Variants in NPAS3 observed in about 807,000 individuals in gnomAD.
NPAS3 encodes neuronal PAS domain protein 3, also known as neuronal PAS domain-containing protein 3.
A neutral mutation model predicts 73.1 loss-of-function variants in NPAS3; 14 were observed. The ratio of observed to expected loss-of-function variants is 0.19; its 90% CI spans 0.13 to 0.30. NPAS3 has a LOEUF of 0.30. NPAS3 is among the 10% of genes least tolerant of loss of function. The pLI is 1.00. For synonymous variants in NPAS3, 620 were observed against 541.5 expected, an observed-to-expected ratio of 1.14 and a Z score of -2.01; for missense variants, 1,096 against 1,250.0, an observed-to-expected ratio of 0.88 and a Z score of 1.86.
At chr14:33,719,771 G>A (rs554241082) in intron 6 of NPAS3, among the ~76,000 whole-genome samples, 3 of 152,238 alleles carry the variant, frequency 2.0e-5, no homozygotes, top group Admixed American at 2.0e-4. Flanking sequence ...TTAGGGAAGT[G>A]AACCGTCATA....
chr14:33,339,867 G>T (rs1425778828), intron 3 of NPAS3, among the ~76,000 whole-genome samples: 1 of 152,016 alleles, frequency 6.6e-6, no homozygotes, highest in Non-Finnish European at 1.5e-5. Context: ...GTATGTTTAA[G>T]ACTTTATGTG....
intron 2 of NPAS3, among the ~76,000 whole-genome samples, chr14:33,180,821 A>AG (rs1357522774): frequency 6.6e-5 from 10 of 151,334 alleles, no homozygotes; most frequent in African/African-American, 2.4e-4. Context: ...AAAAAAAAAA[A>AG]AAAAGACACG....
In NPAS3 at chr14:33,491,643, A is replaced by G. The variant is rs556854101; in HGVS notation, c.469-68478A>G. The stretch of plus-strand genomic sequence containing the variant: ...AACTTTTAAACCTTTAAATAAGTAT[A>G]CTGAGTTGTTTGGTTCACCTTCAGA... On this transcript the variant is annotated intron_variant, in intron 4 of 11. Coordinates refer to ENST00000356141, the Ensembl canonical transcript of NPAS3. Among the ~76,000 whole-genome samples, 62 of 152,296 alleles carry G rather than the reference A, an allele frequency of 4.1e-4. 1 individual carries two copies. Among genetic ancestry groups the G allele is most frequent in the African/African-American group, 1.5e-3 (62 of 41,578 alleles).
chr14:33,138,346 G>A (rs1247602130), intron 2 of NPAS3, among the ~76,000 whole-genome samples: 1 of 151,892 alleles, frequency 6.6e-6, no homozygotes, highest in Admixed American at 6.6e-5. Context: ...TTTACTATAA[G>A]TGCCTATCAC....
Position 33,050,629 on chromosome 14 carries a change from GA to G in NPAS3, c.51-5275del, listed in dbSNP as rs551482180. Among the ~76,000 whole-genome samples, 1,208 of 152,292 alleles carry G rather than the reference GA, an allele frequency of 7.9e-3. 11 individuals are homozygous for G. The highest frequency in any genetic ancestry group is 0.027 in the African/African-American group (1,139 of 41,548). ...TATTAATTTAATTGCCATTAGAGAT[GA>G]TAGATTATCATGAAACAGAAGTCTA... On this transcript the variant is annotated intron_variant, in intron 1 of 11. Coordinates refer to ENST00000356141, the Ensembl canonical transcript of NPAS3.
chr14:33,682,540 ACCTAGAATGATT>A (rs2059968858), intron 6 of NPAS3, among the ~76,000 whole-genome samples: 1 of 152,222 alleles, frequency 6.6e-6, no homozygotes, highest in Non-Finnish European at 1.5e-5. Flanking sequence ...ACCTTGCCAA[ACCTAGAATGATT>A]CTTTTGCCTC....
chr14:33,523,106 A>G (rs559880426), intron 4 of NPAS3, among the ~76,000 whole-genome samples: 1 of 152,174 alleles, frequency 6.6e-6, no homozygotes, highest in Non-Finnish European at 1.5e-5. Flanking sequence ...GGGGAATTAT[A>G]ATCCAGTAGA....
chr14:33,135,223 A>G (rs1184863257), intron 2 of NPAS3, among the ~76,000 whole-genome samples: 1 of 152,210 alleles, frequency 6.6e-6, no homozygotes, highest in East Asian at 1.9e-4. Context: ...TATAGGGACA[A>G]GTAAAAGTGA....
chr14:33,139,312 CACCAAA>C (rs2043957192), intron 2 of NPAS3, among the ~76,000 whole-genome samples: 1 of 152,200 alleles, frequency 6.6e-6, no homozygotes, highest in Non-Finnish European at 1.5e-5. Flanking sequence ...CCTCCCATTG[CACCAAA>C]ACCCATACCA....
At chr14:33,310,839 A>C (rs2042974425) in intron 3 of NPAS3, among the ~76,000 whole-genome samples, 1 of 150,448 alleles carries the variant, frequency 6.6e-6, no homozygotes, top group Admixed American at 6.6e-5. Context: ...ACACACAAAT[A>C]CTTCAGAGAA....
At chr14:33,032,554 C>T (rs2040030163) in intron 1 of NPAS3, among the ~76,000 whole-genome samples, 3 of 152,148 alleles carry the variant, frequency 2.0e-5, no homozygotes, top group African/African-American at 7.2e-5. Context: ...CTGCTGAAGT[C>T]CTGGCCAGGG....
chr14:33,162,984 AC>A (rs2044964000), intron 2 of NPAS3, among the ~76,000 whole-genome samples: 1 of 152,212 alleles, frequency 6.6e-6, no homozygotes, highest in South Asian at 2.1e-4. Flanking sequence ...TGAAATCATT[AC>A]TGCTGACAAA....
chr14:33,644,675 G>A (rs987769577), intron 5 of NPAS3, among the ~76,000 whole-genome samples: 6 of 152,134 alleles, frequency 3.9e-5, no homozygotes, highest in Non-Finnish European at 8.8e-5. Flanking sequence ...AGCGGAACCC[G>A]GGGCTTCTCC....
At chr14:33,680,466 T>C (rs975755096) in intron 6 of NPAS3, 2 of 623,156 alleles carry the variant, frequency 3.2e-6, no homozygotes, top group African/African-American at 3.7e-5. Context: ...TTCCTGTTCC[T>C]GTGTATGTAG....
chr14:33,526,294 TATA>T (rs2053799168), intron 4 of NPAS3, among the ~76,000 whole-genome samples: 3 of 152,238 alleles, frequency 2.0e-5, no homozygotes, highest in African/African-American at 7.2e-5. Flanking sequence ...TGAAGTCACA[TATA>T]GTTTTTTAAA....
chr14:33,425,400 T>A (rs1205618209), intron 4 of NPAS3, among the ~76,000 whole-genome samples: 1 of 152,002 alleles, frequency 6.6e-6, no homozygotes, highest in African/African-American at 2.4e-5. Flanking sequence ...TTGCAAGTAA[T>A]GGAATACCTA....
intron 9 of NPAS3, among the ~76,000 whole-genome samples, chr14:33,787,003 T>C (rs1393888601): frequency 2.6e-5 from 4 of 152,070 alleles, no homozygotes; most frequent in Admixed American, 2.6e-4. Context: ...TTTTTTTAAT[T>C]CCATGTTGAG....
intron 2 of NPAS3, among the ~76,000 whole-genome samples, chr14:33,200,308 A>G (rs775190472): frequency 3.0e-4 from 46 of 152,052 alleles, no homozygotes; most frequent in Non-Finnish European, 5.4e-4. Flanking sequence ...TAAGCCCCAT[A>G]AAATAGTAAG....
chr14:33,633,780 G>A (rs1453642274), intron 5 of NPAS3, among the ~76,000 whole-genome samples: 1 of 152,096 alleles, frequency 6.6e-6, no homozygotes, highest in Non-Finnish European at 1.5e-5. Context: ...GGGAGAGTGA[G>A]ACCAGCCTGG....
Sources: allele counts gnomAD v4.1 joint callset (sites outside exome capture counted in the v4.1 genomes callset), GRCh38; gene constraint gnomAD v4.1.1; transcripts MANE v1.5; gene names NCBI Gene and HGNC (gene_info 2026-07-23, HGNC 2026-07-21).